The following RYR2 variants were observed in gnomAD, a reference collection of about 807,000 sequenced individuals.
RYR2 encodes cardiac muscle ryanodine receptor-calcium release channel.
In RYR2, 227 loss-of-function variants were observed where a neutral mutation model predicts 601.1. The observed-to-expected ratio is 0.38, with a 90% confidence interval of 0.34 to 0.42. The LOEUF (loss-of-function observed/expected upper bound fraction) is 0.42. Among genes scored for constraint, RYR2 ranks in the 10% least tolerant of loss-of-function variants. RYR2 has a pLI of 1.00. For missense variants in RYR2, 4,646 were observed against 6,156.5 expected, an observed-to-expected ratio of 0.75 and a Z score of 8.21; for synonymous variants, 2,223 against 2,175.1, an observed-to-expected ratio of 1.02 and a Z score of -0.61.
intron 2 of RYR2, among the ~76,000 whole-genome samples, chr1:237,328,477 T>G (rs755897970): frequency 1.8e-4 from 27 of 152,168 alleles, no homozygotes; most frequent in Non-Finnish European, 4.0e-4. Context: ...TGCAGTTAGC[T>G]GTGCCAGATT....
intron 2 of RYR2, among the ~76,000 whole-genome samples, chr1:237,323,765 A>T (rs978686186): frequency 6.6e-6 from 1 of 152,156 alleles, no homozygotes; most frequent in South Asian, 2.1e-4. Flanking sequence ...ATCCTCTCTC[A>T]CCTGGACCTT....
chr1:237,348,380 T>C (rs1171787098), intron 3 of RYR2, among the ~76,000 whole-genome samples: 1 of 152,152 alleles, frequency 6.6e-6, no homozygotes, highest in African/African-American at 2.4e-5. Context: ...TATGAAACAA[T>C]ACTAATAATG....
chr1:237,069,837 C>T (rs1664086266), intron 1 of RYR2, among the ~76,000 whole-genome samples: 1 of 152,018 alleles, frequency 6.6e-6, no homozygotes, highest in African/African-American at 2.4e-5. Context: ...CTGTTTTTCC[C>T]TAACAATTGC....
Position 237,302,571 on chromosome 1 carries a change from A to T in RYR2, c.169-28307A>T, listed in dbSNP as rs142650038. ...ATACAGGATATTCCTCTCACTACAG[A>T]GTGAGCTAAGCATATCCTTCAGAAG... is the stretch of plus-strand genomic sequence containing the variant. On this transcript the variant is annotated intron_variant, in intron 2 of 104. Transcript: ENST00000366574. Among the ~76,000 whole-genome samples the T allele has an allele frequency of 7.7e-3, 1,174 of 152,264 alleles. 11 individuals are homozygous for T. Among genetic ancestry groups the T allele is most frequent in the African/African-American group, 0.026 (1,075 of 41,560 alleles).
intron 61 of RYR2, 50 bp from the exon 62 acceptor site, chr1:237,680,406 C>A: frequency 1.3e-6 from 2 of 1,553,504 alleles, no homozygotes; most frequent in South Asian, 1.1e-5. Flanking sequence ...TCCCATTCAT[C>A]CCCTGAAAGA....
intron 84 of RYR2, among the ~76,000 whole-genome samples, chr1:237,765,369 A>C (rs1350390749): frequency 6.6e-6 from 1 of 152,088 alleles, no homozygotes; most frequent in African/African-American, 2.4e-5. Context: ...AAGCAAGACA[A>C]AGTTTTGAAG....
intron 1 of RYR2, among the ~76,000 whole-genome samples, chr1:237,215,858 C>G (rs1683100851): frequency 6.6e-6 from 1 of 152,120 alleles, no homozygotes; most frequent in South Asian, 2.1e-4. Flanking sequence ...AGGGACTGAA[C>G]TTTACAGGTT....
intron 1 of RYR2, among the ~76,000 whole-genome samples, chr1:237,239,262 T>C (rs1276338833): frequency 1.3e-5 from 2 of 152,006 alleles, no homozygotes; most frequent in African/African-American, 2.4e-5. Flanking sequence ...ACCAAGGCAA[T>C]CAAAGACACG....
At chr1:237,307,764 C>T (rs1694020289) in intron 2 of RYR2, among the ~76,000 whole-genome samples, 2 of 152,168 alleles carry the variant, frequency 1.3e-5, no homozygotes, top group Non-Finnish European at 2.9e-5. Flanking sequence ...TGTGACTTTA[C>T]ATATATGTAA....
intron 17 of RYR2, among the ~76,000 whole-genome samples, chr1:237,478,686 G>T (rs1343199045): frequency 6.6e-6 from 1 of 152,098 alleles, no homozygotes; most frequent in Non-Finnish European, 1.5e-5. Flanking sequence ...TTTATAAAGT[G>T]AATAATATTA....
chr1:237,232,049 A>C (rs181108874), intron 1 of RYR2, among the ~76,000 whole-genome samples: 1 of 152,350 alleles, frequency 6.6e-6, no homozygotes, highest in East Asian at 1.9e-4. Flanking sequence ...TACTTGAGAA[A>C]ATGTGAACAG....
chr1:237,107,456 T>G (rs555965542), intron 1 of RYR2, among the ~76,000 whole-genome samples: 25 of 126,432 alleles, frequency 2.0e-4, no homozygotes, highest in South Asian at 2.8e-4. Context: ...AGAGGTGGAG[T>G]TTGCAGTGAG....
chr1:237,315,342 A>G (rs186427546), intron 2 of RYR2, among the ~76,000 whole-genome samples: 67 of 152,284 alleles, frequency 4.4e-4, no homozygotes, highest in Middle Eastern at 3.4e-3. Flanking sequence ...CAAAACCAGC[A>G]TAAACCAAAA....
chr1:237,212,077 A>T (rs1427700983), intron 1 of RYR2, among the ~76,000 whole-genome samples: 1 of 108,324 alleles, frequency 9.2e-6, no homozygotes, highest in African/African-American at 2.8e-5. Context: ...CTTGTTTTTG[A>T]CTTTTTTTTT....
intron 1 of RYR2, among the ~76,000 whole-genome samples, chr1:237,255,122 A>G (rs1687830516): frequency 6.6e-6 from 1 of 152,196 alleles, no homozygotes; most frequent in South Asian, 2.1e-4. Context: ...TGGGAAATTC[A>G]GATCATTCAC....
intron 50 of RYR2, among the ~76,000 whole-genome samples, chr1:237,651,104 A>G (rs1682685881): frequency 6.6e-6 from 1 of 152,212 alleles, no homozygotes; most frequent in African/African-American, 2.4e-5. Flanking sequence ...TAATGGAGGA[A>G]AGTCTTAGGA....
chr1:237,538,159 G>A (rs1668844300), intron 25 of RYR2, among the ~76,000 whole-genome samples: 1 of 151,986 alleles, frequency 6.6e-6, no homozygotes, highest in Non-Finnish European at 1.5e-5. Flanking sequence ...GGAAGTCGAG[G>A]TGGGCAGATC....
chr1:237,336,495 G>A (rs1001595356), intron 3 of RYR2, among the ~76,000 whole-genome samples: 1 of 152,148 alleles, frequency 6.6e-6, no homozygotes, highest in Non-Finnish European at 1.5e-5. Context: ...TATTAACAGA[G>A]GTATAGATCA....
intron 27 of RYR2, 42 bp downstream of exon 27, chr1:237,550,733 T>C (rs1482668427): frequency 1.4e-5 from 21 of 1,521,796 alleles, no homozygotes; most frequent in Non-Finnish European, 1.9e-5. Context: ...TGCAAGATGA[T>C]GTAGTAGTTC....
Sources: gnomAD v4.1 joint callset for allele counts (sites outside exome capture counted in the v4.1 genomes callset) on GRCh38, gnomAD v4.1.1 for gene constraint, MANE v1.5 for transcripts, NCBI Gene and HGNC (gene_info 2026-07-23, HGNC 2026-07-21) for gene names.